TSC22D1: variants seen among roughly 807,000 people sequenced by gnomAD.
TSC22D1 encodes TSC22 domain family protein 1.
A neutral mutation model predicts 74.2 loss-of-function variants in TSC22D1; 9 were observed. The observed-to-expected ratio is 0.12, with a 90% CI of 0.07 to 0.21. TSC22D1 has a LOEUF of 0.21. Among genes scored for constraint, TSC22D1 ranks in the 10% least tolerant of loss-of-function variants. The pLI, the probability that TSC22D1 is intolerant of heterozygous loss-of-function variation, is 1.00. For missense variants in TSC22D1, 1,427 were observed against 1,304.7 expected, an observed-to-expected ratio of 1.09 and a Z score of -1.44; for synonymous variants, 586 against 492.5, an observed-to-expected ratio of 1.19 and a Z score of -2.51.
At position 44,454,084 on chromosome 13, in the gene TSC22D1, G is replaced by A. The variant is rs1156451976; in HGVS notation, c.2913-17989C>T. Among the ~76,000 whole-genome samples the A allele has an allele frequency of 6.6e-5, 10 of 152,202 alleles. No homozygotes were observed. The East Asian group carries it at 7.7e-4, about 12-fold the overall frequency. On this transcript the variant is annotated intron_variant, in intron 1 of 2. Transcript: ENST00000458659. ...AAGCATAAGTTCCATCACCTATTAC[G>A]TAACCCAAGTTAGGGTAATGCTGCA... is the stretch of plus-strand genomic sequence containing the variant.
chr13:44,533,776 CTT>C (rs1298084297), intron 1 of TSC22D1, among the ~76,000 whole-genome samples: 4 of 152,106 alleles, frequency 2.6e-5, no homozygotes, highest in African/African-American at 7.2e-5. Flanking sequence ...GAGCGAGACT[CTT>C]GTCTCCAGAA....
At chr13:44,437,217 C>G in intron 1 of TSC22D1, 2 of 985,552 alleles carry the variant, frequency 2.0e-6, no homozygotes, top group Non-Finnish European at 2.4e-6. Flanking sequence ...CTGTGTCCCG[C>G]GGCTGCTTAA....
chr13:44,527,124 C>G (rs143853182), intron 1 of TSC22D1, among the ~76,000 whole-genome samples: 5 of 152,072 alleles, frequency 3.3e-5, no homozygotes, highest in African/African-American at 1.2e-4. Flanking sequence ...GAAAAAAAGA[C>G]TTTCTCAGAT....
intron 1 of TSC22D1, among the ~76,000 whole-genome samples, chr13:44,509,952 A>AAAAAAAAAAAAAAAAAAAAGC (rs1879627938): frequency 2.2e-5 from 1 of 45,258 alleles, no homozygotes; most frequent in Non-Finnish European, 4.4e-5. Flanking sequence ...AAAATAAGCA[A>AAAAAAAAAAAAAAAAAAAAGC]AAAAAAAAAA....
intron 1 of TSC22D1, among the ~76,000 whole-genome samples, chr13:44,456,259 G>A (rs1004082662): frequency 2.0e-5 from 3 of 152,198 alleles, no homozygotes; most frequent in Non-Finnish European, 4.4e-5. Context: ...CGAGCGGGTT[G>A]CTGCTGCTGG....
chr13:44,470,554 T>C (rs949415648), intron 1 of TSC22D1, among the ~76,000 whole-genome samples: 3 of 152,208 alleles, frequency 2.0e-5, no homozygotes, highest in African/African-American at 7.2e-5. Flanking sequence ...GTTTCTAATA[T>C]TTCTCATAAC....
chr13:44,555,187 A>G (rs1882550192), intron 1 of TSC22D1, among the ~76,000 whole-genome samples: 1 of 152,090 alleles, frequency 6.6e-6, no homozygotes, highest in Admixed American at 6.6e-5. Flanking sequence ...CAGTTTTAAA[A>G]TATTATCTCT....
In TSC22D1 at chr13:44,568,074, A is replaced by ATAT. The variant is rs1303454668; in HGVS notation, c.2912+5088_2912+5089insATA. Among the ~76,000 whole-genome samples the ATAT allele has an allele frequency of 9.1e-3, 1,386 of 152,350 alleles. 16 individuals carry two copies. Among genetic ancestry groups the ATAT allele is most frequent in the African/African-American group, 0.031 (1,308 of 41,590 alleles). The stretch of plus-strand genomic sequence containing the variant: ...TCTCAAAAGCAATATGGATGTTAGA[A>ATAT]GGCAATGGCACAAAATATAAGAGAA... On this transcript the variant is annotated intron_variant, in intron 1 of 2. Transcript: ENST00000458659.
intron 1 of TSC22D1, among the ~76,000 whole-genome samples, chr13:44,439,093 A>G (rs1595077408): frequency 6.6e-6 from 1 of 152,330 alleles, no homozygotes; most frequent in South Asian, 2.1e-4. Context: ...CAATCATTTT[A>G]ACTGATCATC....
intron 1 of TSC22D1, among the ~76,000 whole-genome samples, chr13:44,512,707 C>T (rs528081494): frequency 4.6e-5 from 7 of 151,880 alleles, no homozygotes; most frequent in Admixed American, 1.3e-4. Flanking sequence ...ACCAGTGCAG[C>T]GACGCGATCT....
rs144059203 is a variant in TSC22D1, at chr13:44,465,013, T to C, written c.2913-28918A>G. ...CCAACTTTTTGTTTTCTCACTGCTC[T>C]GGTTACAATGCTGCACAAGTTTTGA... On this transcript the variant is annotated intron_variant, in intron 1 of 2. Coordinates refer to ENST00000458659, the MANE Select transcript of TSC22D1 (RefSeq NM_183422.4). 8.5e-5 allele frequency among the ~76,000 whole-genome samples: 13 copies of C among 152,360 alleles called. No homozygotes were observed. The East Asian group carries it at 1.5e-3, about 18-fold the overall frequency.
chr13:44,517,866 T>A (rs1324973081), intron 1 of TSC22D1, among the ~76,000 whole-genome samples: 6 of 98,632 alleles, frequency 6.1e-5, no homozygotes, highest in African/African-American at 2.2e-4. Context: ...TATTTTTTTT[T>A]TTTTTTTTTT....
intron 1 of TSC22D1, among the ~76,000 whole-genome samples, chr13:44,557,163 T>C (rs1399720755): frequency 2.2e-5 from 3 of 139,134 alleles, no homozygotes; most frequent in Non-Finnish European, 3.1e-5. Flanking sequence ...AAAAAAAAAT[T>C]ACAAAAAAAG....
At chr13:44,442,352 G>A (rs1235538103) in intron 1 of TSC22D1, among the ~76,000 whole-genome samples, 1 of 152,122 alleles carries the variant, frequency 6.6e-6, no homozygotes, top group East Asian at 1.9e-4. Flanking sequence ...ACCCAGATAT[G>A]ACAAAGATGA....
At chr13:44,470,653 T>A (rs1382579915) in intron 1 of TSC22D1, among the ~76,000 whole-genome samples, 1 of 152,012 alleles carries the variant, frequency 6.6e-6, no homozygotes, top group Admixed American at 6.6e-5. Context: ...TTATTTTCCT[T>A]CCCCCAAATA....
chr13:44,536,530 G>A (rs983046331), intron 1 of TSC22D1, among the ~76,000 whole-genome samples: 1 of 151,794 alleles, frequency 6.6e-6, no homozygotes, highest in African/African-American at 2.4e-5. Context: ...ACAATTATTT[G>A]CGCAAGTAGA....
chr13:44,465,221 AG>A (rs976624222), intron 1 of TSC22D1, among the ~76,000 whole-genome samples: 1 of 152,210 alleles, frequency 6.6e-6, no homozygotes, highest in African/African-American at 2.4e-5. Flanking sequence ...GCATGTGTGA[AG>A]GTTTAAAGCA....
rs765919383 is a variant in TSC22D1, at chr13:44,433,596, T to C, written c.*1030A>G. 3 of 176,194 alleles carry C rather than the reference T, an allele frequency of 1.7e-5. No homozygotes were observed. The highest frequency in any genetic ancestry group is 4.7e-5 in the African/African-American group (2 of 42,120). The allele number at this position is 176,194 out of a possible 1,614,324, so 10.9% of individuals were successfully genotyped here. A position where few individuals can be genotyped will look rare whatever the true frequency, so the allele number is the denominator to read the frequency against. On this transcript the variant is annotated 3_prime_UTR_variant, in exon 3 of 3. Transcript: ENST00000458659. Reference sequence around the variant, plus strand: ...AATACAGTGACACCTTACAATTGTGTAGAGAACATGCACAGAAACATATGC... The same window carrying C: ...AATACAGTGACACCTTACAATTGTGCAGAGAACATGCACAGAAACATATGC...
At chr13:44,520,014 A>G (rs540456442) in intron 1 of TSC22D1, among the ~76,000 whole-genome samples, 2 of 152,350 alleles carry the variant, frequency 1.3e-5, no homozygotes, top group South Asian at 4.1e-4. Flanking sequence ...GGCGAAGATC[A>G]TAAATTCATA....
Sources: gnomAD v4.1 joint callset for allele counts (sites outside exome capture counted in the v4.1 genomes callset) on GRCh38, gnomAD v4.1.1 for gene constraint, MANE v1.5 for transcripts, NCBI Gene and HGNC (gene_info 2026-07-23, HGNC 2026-07-21) for gene names.